PAK1IP1: variants seen among roughly 807,000 people sequenced by gnomAD.
PAK1IP1 encodes the protein PAK1 interacting protein 1.
A neutral mutation model predicts 42.0 loss-of-function variants in PAK1IP1; 24 were observed. The ratio of observed to expected loss-of-function variants is 0.57; its 90% CI spans 0.41 to 0.80. The LOEUF (loss-of-function observed/expected upper bound fraction) is 0.80, where lower values mean the gene tolerates loss of function less well. PAK1IP1 is among the 30% of genes least tolerant of loss of function. PAK1IP1 has a pLI of 0.00. For synonymous variants in PAK1IP1, 154 were observed against 156.7 expected (o/e 0.98, Z 0.13); for missense variants, 411 against 467.9 (o/e 0.88, Z 1.12).
At chr6:10,694,714 A>T (rs764457018), upstream of PAK1IP1, 4 of 361,126 alleles carry the variant, frequency 1.1e-5, no homozygotes, top group African/African-American at 2.1e-5. Context: ...TTCCTGAGAT[A>T]TGCCTGCTTG....
At chr6:10,692,321 A>T (rs1769391489), upstream of PAK1IP1, among the ~76,000 whole-genome samples, 1 of 152,156 alleles carries the variant, frequency 6.6e-6, no homozygotes, top group Admixed American at 6.5e-5. Flanking sequence ...CTTACTTCAC[A>T]CTCCTCTAAT....
upstream of PAK1IP1, chr6:10,694,902 TG>T (rs373902982): frequency 5.2e-5 from 43 of 833,614 alleles, 1 homozygote; most frequent in African/African-American, 2.6e-4. Flanking sequence ...AGGAGTCAGG[TG>T]TTTTTTTTTT....
chr6:10,696,203 C>T (rs548448768), intron 1 of PAK1IP1, among the ~76,000 whole-genome samples: 1 of 152,266 alleles, frequency 6.6e-6, no homozygotes, highest in African/African-American at 2.4e-5. Flanking sequence ...TTACCCTATA[C>T]TTCTACTAAA....
intron 8 of PAK1IP1, 67 bp from the exon 9 acceptor site, chr6:10,708,886 G>T: frequency 1.5e-6 from 2 of 1,307,740 alleles, no homozygotes; most frequent in Non-Finnish European, 2.1e-6. Context: ...TTAAATTAAG[G>T]TAACTTGATT....
At chr6:10,693,358 T>C (rs1049550282), upstream of PAK1IP1, among the ~76,000 whole-genome samples, 26 of 152,278 alleles carry the variant, frequency 1.7e-4, no homozygotes, top group Admixed American at 2.6e-4. Context: ...GTCTCCATGC[T>C]GACTTTTCTT....
At chr6:10,701,999 C>G (rs1770040107) in intron 2 of PAK1IP1, among the ~76,000 whole-genome samples, 2 of 152,160 alleles carry the variant, frequency 1.3e-5, no homozygotes, top group Non-Finnish European at 2.9e-5. Flanking sequence ...CTTTGGGAGG[C>G]TGAGGTGGGC....
chr6:10,701,071 C>G (rs1235467988), intron 2 of PAK1IP1, among the ~76,000 whole-genome samples: 1 of 151,738 alleles, frequency 6.6e-6, no homozygotes, highest in Non-Finnish European at 1.5e-5. Context: ...CTTTTCTTTT[C>G]TATTTCTTTC....
upstream of PAK1IP1, among the ~76,000 whole-genome samples, chr6:10,694,337 G>A (rs1769656329): frequency 6.6e-6 from 1 of 151,716 alleles, no homozygotes; most frequent in African/African-American, 2.4e-5. Context: ...TACAGCCCCA[G>A]AGTTAGACAA....
Position 10,709,342 on chromosome 6 carries a change from G to C in PAK1IP1, c.1069G>C (p.Asp357His), listed in dbSNP as rs1468653869. The change falls in exon 10 of 10, where the codon GAC becomes CAC. Residue 357 changes from aspartate to histidine, a missense_variant. Asp to His is a moderately conservative substitution (Grantham distance 81). Transcript: ENST00000379568. ...PNTKKRGLTG[D>H]SKKATKESGL... ...CACAAAGAAACGCGGTTTAACAGGT[G>C]ACAGTAAGAAAGCAACAAAAGAAAG... 6.2e-7 allele frequency: 1 copy of C among 1,613,788 alleles called. No homozygotes were observed. The highest frequency in any genetic ancestry group is 8.5e-7 in the Non-Finnish European group (1 of 1,179,922).
At chr6:10,701,163 A>G (rs1193006055) in intron 2 of PAK1IP1, among the ~76,000 whole-genome samples, 3 of 151,860 alleles carry the variant, frequency 2.0e-5, no homozygotes, top group Admixed American at 6.6e-5. Context: ...TGCAACCTCC[A>G]TCTCCCGGGT....
chr6:10,703,771 T>C (rs1466302769), intron 5 of PAK1IP1, among the ~76,000 whole-genome samples: 2 of 152,230 alleles, frequency 1.3e-5, no homozygotes, highest in African/African-American at 4.8e-5. Flanking sequence ...TCCAAAATCG[T>C]TCTGGTCCCA....
chr6:10,697,790 C>T (rs986264050), intron 2 of PAK1IP1, among the ~76,000 whole-genome samples: 3 of 150,444 alleles, frequency 2.0e-5, no homozygotes, highest in Admixed American at 1.3e-4. Flanking sequence ...ACTCGGGAGG[C>T]GGAGGCAGGG....
chr6:10,705,188 C>T (rs1384447445), intron 7 of PAK1IP1, among the ~76,000 whole-genome samples: 1 of 151,980 alleles, frequency 6.6e-6, no homozygotes, highest in Non-Finnish European at 1.5e-5. Context: ...TGTGGTGGTG[C>T]ACGCTGGTAG....
At chr6:10,697,536 A>G (rs1402221780) in intron 2 of PAK1IP1, 50 bp downstream of exon 2, 1 of 1,343,148 alleles carries the variant, frequency 7.4e-7, no homozygotes, top group Admixed American at 2.0e-5. Context: ...TTTCTTTACA[A>G]TTTGACTTCA....
At chr6:10,693,249 C>T (rs2127475080), upstream of PAK1IP1, among the ~76,000 whole-genome samples, 1 of 152,362 alleles carries the variant, frequency 6.6e-6, no homozygotes, top group Non-Finnish European at 1.5e-5. Flanking sequence ...ACAAATATGT[C>T]TGCTTTTCCT....
upstream of PAK1IP1, chr6:10,694,586 G>GAT: frequency 5.4e-6 from 1 of 185,690 alleles, no homozygotes; most frequent in Non-Finnish European, 1.2e-5. Flanking sequence ...CGCTGCCGGC[G>GAT]CTACAGCCCC....
chr6:10,709,497 T>C lies in PAK1IP1; in HGVS notation c.*45T>C. 1 of 1,257,286 alleles carries C rather than the reference T, an allele frequency of 8.0e-7. No individual in the cohort carries two copies. The highest frequency in any genetic ancestry group is 1.1e-6 in the Non-Finnish European group (1 of 933,344). The allele number at this position is 1,257,286 out of a possible 1,614,324, so 77.9% of individuals were successfully genotyped here. A position where few individuals can be genotyped will look rare whatever the true frequency, so the allele number is the denominator to read the frequency against. On this transcript the variant is annotated 3_prime_UTR_variant, in exon 10 of 10. Transcript: ENST00000379568. ...AGAACTCTTTTAGATGAAATCATTCTACTCAAATGTACCTTAATTTTTTTT... is the reference window on the plus strand; with the variant it reads ...AGAACTCTTTTAGATGAAATCATTCCACTCAAATGTACCTTAATTTTTTTT...
intron 8 of PAK1IP1, 152 bp from the exon 9 acceptor site, chr6:10,708,801 T>G: frequency 1.6e-6 from 1 of 606,672 alleles, no homozygotes; most frequent in South Asian, 2.2e-5. Context: ...TGAATAACAG[T>G]CAAACTAATC....
chr6:10,703,451 A>G lies in PAK1IP1; in HGVS notation c.490A>G (p.Lys164Glu), dbSNP rs1305414182. Reference sequence around the variant, plus strand: ...AAGATCAGCATTCATAAAAAATATAAAACAAAGTGAGTATTTTTGTTTGAA... The same window carrying G: ...AAGATCAGCATTCATAAAAAATATAGAACAAAGTGAGTATTTTTGTTTGAA... ...EGRSAFIKNI[K>E]QNAHIVEWSP... Residue 164 changes from lysine (K) to glutamate (E), a missense_variant, in exon 5 of 10, where the codon AAA (lysine) becomes GAA (glutamate). By Grantham distance (56) the Lys-to-Glu change is moderately conservative. Transcript: ENST00000379568. 2.5e-6 allele frequency: 4 copies of G among 1,603,018 alleles called. No individual in the cohort carries two copies. The African/African-American group carries it at 4.0e-5, about 16-fold the overall frequency.
Sources: gnomAD v4.1 joint callset for allele counts (sites outside exome capture counted in the v4.1 genomes callset) on GRCh38, gnomAD v4.1.1 for gene constraint, MANE v1.5 for transcripts, NCBI Gene and HGNC (gene_info 2026-07-23, HGNC 2026-07-21) for gene names.